Variants in KLK15 observed in about 807,000 individuals in gnomAD.
KLK15 encodes kallikrein related peptidase 15, also known as kallikrein-15.
In KLK15, 19 loss-of-function variants were observed where a neutral mutation model predicts 21.1. That is an observed-to-expected ratio of 0.90 (90% CI 0.63 to 1.32). KLK15 has a LOEUF of 1.32. Ranked by LOEUF, KLK15 falls within the 40% of genes most tolerant of loss-of-function variation. The pLI is 0.00. For synonymous variants in KLK15, 141 were observed against 141.5 expected (o/e 1.00, Z 0.03); for missense variants, 345 against 348.6 (o/e 0.99, Z 0.08).
intron 1 of KLK15, chr19:50,831,120 G>A (rs2089978385): frequency 4.2e-6 from 1 of 239,870 alleles, no homozygotes; most frequent in African/African-American, 2.2e-5. Flanking sequence ...TTATAGAGAA[G>A]GCATTCGAAG....
intron 1 of KLK15, chr19:50,830,484 G>A (rs960751803): frequency 1.3e-5 from 2 of 152,076 alleles, no homozygotes; most frequent in Non-Finnish European, 2.9e-5. Flanking sequence ...TGAACAGCTG[G>A]GCACCGAGGC....
At chr19:50,826,259 C>A in intron 4 of KLK15, 1 of 458,114 alleles carries the variant, frequency 2.2e-6, no homozygotes, top group Non-Finnish European at 3.9e-6. Flanking sequence ...CAAATCAAAC[C>A]CATGCCCATC....
upstream of KLK15, among the ~76,000 whole-genome samples, chr19:50,832,312 CT>C (rs922329048): frequency 6.9e-5 from 7 of 101,186 alleles, no homozygotes; most frequent in African/African-American, 2.4e-4. Context: ...CACTTTCTTT[CT>C]TTTTTTTTCT....
chr19:50,825,502 G>A (rs1007553174), downstream of KLK15: 4 of 216,928 alleles, frequency 1.8e-5, no homozygotes, highest in Non-Finnish European at 2.7e-5. Context: ...CCTAGGGATC[G>A]GGGTGGTGGG....
exon 3 of KLK15, chr19:50,827,129 A>G: frequency 6.3e-7 from 1 of 1,599,312 alleles, no homozygotes; most frequent in South Asian, 1.1e-5. Context: ...GCGCTTGCGC[A>G]GGTTGTGCTC....
chr19:50,825,355 T>G (rs3212854), downstream of KLK15: 1 of 156,190 alleles, frequency 6.4e-6, no homozygotes, highest in Non-Finnish European at 1.4e-5. Flanking sequence ...AACAGCCCTT[T>G]GAAGTCAGCA....
Position 50,827,168 on chromosome 19 carries a change from G to A in KLK15, c.198-7C>T, listed in dbSNP as rs1405156364. The stretch of plus-strand genomic sequence containing the variant: ...CAGGCGCACTCTCATGAAGCTGTGC[G>A]GGCGAGTGGTTTTCCCGCCAGTGGA... On this transcript the variant is annotated splice_polypyrimidine_tract_variant and splice_region_variant and intron_variant, in intron 2 of 4. Coordinates refer to ENST00000598239, the Ensembl canonical transcript of KLK15. 8 of 1,564,284 alleles carry A rather than the reference G, an allele frequency of 5.1e-6. No individual in the cohort carries two copies. The highest frequency in any genetic ancestry group is 6.9e-6 in the Non-Finnish European group (8 of 1,159,146).
At position 50,828,969 on chromosome 19, in the gene KLK15, C is replaced by CAA. The variant is rs3078002; in HGVS notation, c.44-1156_44-1155dup. On this transcript the variant is annotated intron_variant, in intron 1 of 4. Coordinates refer to ENST00000598239, the Ensembl canonical transcript of KLK15. ...GGGTGACAAGAGTGAAACTCCATCTCAAAAAAAAAAAAAAAAAAAAAAAAA... is the reference window on the plus strand; with the variant it reads ...GGGTGACAAGAGTGAAACTCCATCTCAAAAAAAAAAAAAAAAAAAAAAAAAAA... 6.7e-3 allele frequency among the ~76,000 whole-genome samples: 378 copies of CAA among 56,454 alleles called. 7 individuals carry two copies. Among genetic ancestry groups the CAA allele is most frequent in the African/African-American group, 8.8e-3 (120 of 13,592 alleles). The allele number at this position is 56,454 out of a possible 152,430, so 37.0% of individuals were successfully genotyped here.
At chr19:50,827,091 A>G (rs1249470722) in exon 3 of KLK15, 1 of 1,605,872 alleles carries the variant, frequency 6.2e-7, no homozygotes, top group East Asian at 2.2e-5. Flanking sequence ...ATGACCCGAG[A>G]CGTGGTCCGT....
upstream of KLK15, among the ~76,000 whole-genome samples, chr19:50,831,701 C>T (rs973347598): frequency 6.6e-6 from 1 of 152,128 alleles, no homozygotes; most frequent in Admixed American, 6.5e-5. Context: ...AAGGTTTACT[C>T]TTCCTCTAGG....
Position 50,827,543 on chromosome 19 carries a change from C to T in KLK15, c.197+119G>A, listed in dbSNP as rs766329334. On this transcript the variant is annotated intron_variant, in intron 2 of 4. Transcript: ENST00000598239. ...CTTCCTAACCCAGGGGCTTGACATCCGGCCTCCTCGTCTTTCAGAACCCAG... is the reference window on the plus strand; with the variant it reads ...CTTCCTAACCCAGGGGCTTGACATCTGGCCTCCTCGTCTTTCAGAACCCAG... 9 of 1,041,522 alleles carry T rather than the reference C, an allele frequency of 8.6e-6. No homozygotes were observed. The Admixed American group carries it at 1.0e-4, about 12-fold the overall frequency. The allele number at this position is 1,041,522 out of a possible 1,614,324, so 64.5% of individuals were successfully genotyped here. A position where few individuals can be genotyped will look rare whatever the true frequency, so the allele number is the denominator to read the frequency against.
At chr19:50,831,927 T>A (rs541393205), upstream of KLK15, among the ~76,000 whole-genome samples, 37 of 151,824 alleles carry the variant, frequency 2.4e-4, no homozygotes, top group Admixed American at 5.2e-4. Flanking sequence ...TTCTCCCGCC[T>A]CAGCCTCCCG....
exon 3 of KLK15, chr19:50,826,999 G>T: frequency 6.2e-7 from 1 of 1,606,140 alleles, no homozygotes; most frequent in South Asian, 1.1e-5. Flanking sequence ...GGCGCACCTG[G>T]GGGTTCAGGC....
rs2089983829 is a variant in KLK15, at chr19:50,831,440, G to T, written c.43+10C>A. 7.0e-7 allele frequency: 1 copy of T among 1,422,006 alleles called. No homozygotes were observed. The highest frequency in any genetic ancestry group is 1.5e-5 in the African/African-American group (1 of 66,042). 88.1% of individuals were successfully genotyped at this position (1,422,006 alleles called of 1,614,324 possible). A position where few individuals can be genotyped will look rare whatever the true frequency, so the allele number is the denominator to read the frequency against. The stretch of plus-strand genomic sequence containing the variant: ...CCCACAGACCTGGCCCCCTCCTGGG[G>T]CCACCTCACCTGTGGATGCCAGCAG... On this transcript the variant is annotated intron_variant, in intron 1 of 4. Transcript: ENST00000598239.
At chr19:50,827,620 C>T (rs370464697) in intron 2 of KLK15, 42 bp downstream of exon 3, 1 of 1,591,702 alleles carries the variant, frequency 6.3e-7, no homozygotes, top group Non-Finnish European at 8.6e-7. Flanking sequence ...CTCTTCCCCC[C>T]GAACCAGGCT....
In KLK15 at chr19:50,827,762, G is replaced by A; in HGVS notation, c.97C>T (p.Gln33Ter). 4.3e-6 allele frequency: 7 copies of A among 1,611,196 alleles called. 1 individual carries two copies. The highest frequency in any genetic ancestry group is 5.9e-6 in the Non-Finnish European group (7 of 1,177,586). Residue 33 changes from glutamine to a stop codon, truncating the protein, a stop_gained, in exon 2 of 5, where the codon CAG becomes TAG. Transcript: ENST00000598239. LOFTEE classifies it high-confidence loss of function. ...TCGTAGAGAGCCACTTGCCATGGCTGGGAGTGGGGTGCACACTCGTCACCT... is the reference window on the plus strand; with the variant it reads ...TCGTAGAGAGCCACTTGCCATGGCTAGGAGTGGGGTGCACACTCGTCACCT...
At position 50,825,819 on chromosome 19, in the gene KLK15, T is replaced by G. The variant is rs143488632; in HGVS notation, c.748A>C (p.Arg250=). ...AGTCAGTTCCTCTTCATGGTTTCCC[T>G]GATCCACTCCAAGTAGTGGCAGACT... The change falls in exon 5 of 5, where the codon AGG becomes CGG. Residue 250 remains arginine (R), a synonymous_variant. Coordinates refer to ENST00000598239, the Ensembl canonical transcript of KLK15. 8 of 1,613,888 alleles carry G rather than the reference T, an allele frequency of 5.0e-6. No homozygotes were observed. In the African/African-American group the frequency reaches 9.3e-5, roughly 19 times the overall value.
chr19:50,826,530 G>A (rs2089881709), intron 4 of KLK15, 91 bp downstream of exon 5: 3 of 1,433,740 alleles, frequency 2.1e-6, no homozygotes, highest in South Asian at 2.8e-5. Context: ...CATCTTCTCT[G>A]GCCCAAAGCA....
chr19:50,831,206 G>A (rs1030399032), intron 1 of KLK15: 3 of 371,364 alleles, frequency 8.1e-6, no homozygotes, highest in Non-Finnish European at 9.6e-6. Flanking sequence ...TCAGGTTTGT[G>A]TAACCCCAGG....
Sources: gnomAD v4.1 joint callset for allele counts (sites outside exome capture counted in the v4.1 genomes callset) on GRCh38, gnomAD v4.1.1 for gene constraint, MANE v1.5 for transcripts, NCBI Gene and HGNC (gene_info 2026-07-23, HGNC 2026-07-21) for gene names.